TRPM5: variants seen among roughly 807,000 people sequenced by gnomAD.
TRPM5 encodes the protein MLSN1 and TRP-related.
In TRPM5, 121 loss-of-function variants were observed where a neutral mutation model predicts 124.9. The ratio of observed to expected loss-of-function variants is 0.97; its 90% CI spans 0.84 to 1.13. TRPM5 has a LOEUF of 1.13. Ranked by LOEUF, TRPM5 falls within the 50% of genes most tolerant of loss-of-function variation. The pLI, the probability that TRPM5 is intolerant of heterozygous loss-of-function variation, is 0.00. For missense variants in TRPM5, 1,643 were observed against 1,589.1 expected (o/e 1.03, Z -0.58); for synonymous variants, 781 against 700.5 (o/e 1.11, Z -1.81).
intron 23 of TRPM5, 33 bp downstream of exon 28, chr11:2,405,494 C>T (rs761367129): frequency 3.5e-5 from 54 of 1,549,404 alleles, no homozygotes; most frequent in African/African-American, 5.5e-5. Context: ...TGCCCATGCC[C>T]ACCCTCATCC....
chr11:2,420,893 C>T (rs1269243753), intron 3 of TRPM5, 139 bp downstream of exon 8: 9 of 999,414 alleles, frequency 9.0e-6, no homozygotes, highest in South Asian at 5.2e-5. Context: ...ACCTGCCGGC[C>T]GTGTGCTGGC....
At chr11:2,411,467 G>T (rs755065588) in exon 18 of TRPM5, 1 of 1,611,896 alleles carries the variant, frequency 6.2e-7, no homozygotes, top group South Asian at 1.1e-5. Context: ...CCTGGGTGGT[G>T]ACACCGTAGG....
intron 12 of TRPM5, 52 bp downstream of exon 17, chr11:2,414,009 G>GGGGGGGGCCCCCCCCC: frequency 1.5e-5 from 15 of 1,023,710 alleles, no homozygotes; most frequent in African/African-American, 1.6e-5. Flanking sequence ...GGCCCAGCTC[G>GGGGGGGGCCCCCCCCC]CCCGCCCACC....
chr11:2,434,183 G>A, the TRPM5 span, among the ~76,000 whole-genome samples: 2 of 151,480 alleles, frequency 1.3e-5, no homozygotes, highest in East Asian at 1.9e-4. Flanking sequence ...CTGTGTGGAC[G>A]GTGTATGTGT....
At position 2,422,914 on chromosome 11, in the gene TRPM5, C is replaced by T; in HGVS notation, c.117+6G>A. 1 of 1,611,866 alleles carries T rather than the reference C, an allele frequency of 6.2e-7. No homozygotes were observed. Among genetic ancestry groups the T allele is most frequent in the Non-Finnish European group, 8.5e-7 (1 of 1,178,562 alleles). ...ACATCACCTGAGGCCTGGGGCCTGCCCTTACCTTGCCTCGCTTCTTCCCAG... is the reference window on the plus strand; with the variant it reads ...ACATCACCTGAGGCCTGGGGCCTGCTCTTACCTTGCCTCGCTTCTTCCCAG... On this transcript the variant is annotated splice_donor_region_variant and intron_variant, in intron 1 of 23. Coordinates refer to ENST00000155858, the Ensembl canonical transcript of TRPM5.
At chr11:2,426,635 C>T (rs149297182), upstream of TRPM5, among the ~76,000 whole-genome samples, 264 of 152,272 alleles carry the variant, frequency 1.7e-3, 2 homozygotes, top group African/African-American at 6.2e-3. Context: ...TCCCCAAGAC[C>T]AGCTCAGGGC....
At chr11:2,411,211 C>T in intron 18 of TRPM5, 141 bp downstream of exon 23, 2 of 1,093,898 alleles carry the variant, frequency 1.8e-6, no homozygotes, top group Non-Finnish European at 2.5e-6. Context: ...GGGACCAGGC[C>T]TCAGCCACTT....
exon 17 of TRPM5, chr11:2,411,679 T>C (rs1323695228): frequency 3.1e-6 from 5 of 1,612,304 alleles, no homozygotes; most frequent in East Asian, 4.5e-5. Flanking sequence ...TGCTTGTGTA[T>C]GGCAAAGATA....
At chr11:2,434,058 G>A in the TRPM5 span, among the ~76,000 whole-genome samples, 17 of 151,576 alleles carry the variant, frequency 1.1e-4, no homozygotes, top group Non-Finnish European at 1.8e-4. Context: ...CAGTGTGCGC[G>A]TGCATGTTTG....
chr11:2,433,643 A>G, the TRPM5 span, among the ~76,000 whole-genome samples: 2 of 152,242 alleles, frequency 1.3e-5, no homozygotes, highest in African/African-American at 2.4e-5. Flanking sequence ...AAGGGTGCGT[A>G]AGGCCTGAGC....
At chr11:2,409,542 T>C (rs999083702) in intron 18 of TRPM5, among the ~76,000 whole-genome samples, 2 of 151,846 alleles carry the variant, frequency 1.3e-5, no homozygotes, top group Admixed American at 6.6e-5. Context: ...GGGGCAGGGG[T>C]CTGTTCTGGG....
chr11:2,405,018 G>A (rs756638458), exon 24 of TRPM5: 2 of 1,612,668 alleles, frequency 1.2e-6, no homozygotes, highest in African/African-American at 2.7e-5. Flanking sequence ...CCACCAGCTG[G>A]CTTCCCTCGC....
exon 9 of TRPM5, chr11:2,415,232 C>T (rs752332865): frequency 1.1e-5 from 17 of 1,573,770 alleles, no homozygotes; most frequent in South Asian, 5.8e-5. Flanking sequence ...CCGGTGGCCC[C>T]GCGGGTGGCT....
chr11:2,404,912 C>A (rs768581651), exon 24 of TRPM5: 1 of 1,592,074 alleles, frequency 6.3e-7, no homozygotes, highest in South Asian at 1.1e-5. Context: ...GGAGAGGTGG[C>A]CCCACACGTG....
At chr11:2,406,602 G>A (rs748683908) in intron 21 of TRPM5, 59 bp downstream of exon 26, 170 of 1,540,010 alleles carry the variant, frequency 1.1e-4, no homozygotes, top group Non-Finnish European at 1.4e-4. Flanking sequence ...GGCGCCAATG[G>A]CACATCCCCG....
At chr11:2,414,595 G>A in intron 11 of TRPM5, 120 bp downstream of exon 16, 3 of 1,365,250 alleles carry the variant, frequency 2.2e-6, no homozygotes, top group Non-Finnish European at 2.9e-6. Context: ...AGGCCCCTGA[G>A]GGCACCTGGA....
upstream of TRPM5, among the ~76,000 whole-genome samples, chr11:2,427,731 G>T (rs1845850099): frequency 6.6e-6 from 1 of 152,232 alleles, no homozygotes; most frequent in Non-Finnish European, 1.5e-5. Context: ...GGTGGCCCGG[G>T]ACCGATGCAG....
In TRPM5 at chr11:2,412,824, TG is replaced by T. The variant is rs747032714; in HGVS notation, c.2284del (p.Gln762ArgfsTer35). 9 of 1,604,054 alleles carry T rather than the reference TG, an allele frequency of 5.6e-6. No individual in the cohort carries two copies. The highest frequency in any genetic ancestry group is 5.1e-5 in the Admixed American group (3 of 58,468). The stretch of plus-strand genomic sequence containing the variant: ...GGTGACCTCGGGCCCTGAGGGGCCC[TG>T]GGGGGGCGGCCTGAAGTCCACCAGC... On this transcript the variant is annotated frameshift_variant, in exon 15 of 24. Coordinates refer to ENST00000155858, the Ensembl canonical transcript of TRPM5. LOFTEE classifies it high-confidence loss of function.
At chr11:2,409,887 T>C (rs1457807102) in intron 18 of TRPM5, among the ~76,000 whole-genome samples, 4 of 152,194 alleles carry the variant, frequency 2.6e-5, no homozygotes, top group Non-Finnish European at 5.9e-5. Flanking sequence ...CTCGGGAGTC[T>C]GTTTCCCTGC....
Sources: allele counts gnomAD v4.1 joint callset (sites outside exome capture counted in the v4.1 genomes callset), GRCh38; gene constraint gnomAD v4.1.1; transcripts MANE v1.5; gene names NCBI Gene and HGNC (gene_info 2026-07-23, HGNC 2026-07-21).